LAMA2: variants seen among roughly 807,000 people sequenced by gnomAD.
LAMA2 encodes the protein laminin subunit alpha 2, also known as laminin subunit alpha-2.
In LAMA2, 269 loss-of-function variants were observed where a neutral mutation model predicts 364.8. The ratio of observed to expected loss-of-function variants is 0.74; its 90% CI spans 0.67 to 0.82. LAMA2 has a LOEUF of 0.82. LAMA2 is among the 40% of genes least tolerant of loss of function. The probability of loss-of-function intolerance (pLI) is 0.00; values close to 1 mark genes in which losing one functional copy is unlikely to be tolerated. For missense variants in LAMA2, 3,807 were observed against 3,873.2 expected, an observed-to-expected ratio of 0.98 and a Z score of 0.45; for synonymous variants, 1,379 against 1,370.6, an observed-to-expected ratio of 1.01 and a Z score of -0.14.
At chr6:129,317,621 A>C (rs962456515) in intron 27 of LAMA2, among the ~76,000 whole-genome samples, 2 of 152,264 alleles carry the variant, frequency 1.3e-5, no homozygotes, top group East Asian at 3.9e-4. Flanking sequence ...TACTTAAAAA[A>C]CGCTGTTATC....
At chr6:128,932,888 TAAAC>T in intron 1 of LAMA2, among the ~76,000 whole-genome samples, 1 of 152,300 alleles carries the variant, frequency 6.6e-6, no homozygotes, top group East Asian at 1.9e-4. Context: ...AAATTCCAAA[TAAAC>T]AGTACAATAT....
intron 10 of LAMA2, 51 bp from the exon 11 acceptor site, chr6:129,190,154 C>G: frequency 6.3e-7 from 1 of 1,583,922 alleles, no homozygotes. Context: ...ATGGACGCAG[C>G]TCATAATGTT....
intron 10 of LAMA2, 60 bp from the exon 11 acceptor site, chr6:129,190,145 T>G (rs1781443536): frequency 1.9e-6 from 3 of 1,540,124 alleles, no homozygotes; most frequent in South Asian, 2.2e-5. Flanking sequence ...TATACAGACA[T>G]GGACGCAGCT....
chr6:129,465,038 T>G, intron 50 of LAMA2, 107 bp from the exon 51 acceptor site: 1 of 874,870 alleles, frequency 1.1e-6, no homozygotes, highest in Non-Finnish European at 1.9e-6. Flanking sequence ...GAGTGACATA[T>G]TCAGCAATTT....
At chr6:129,446,452 G>A (rs930506753) in intron 45 of LAMA2, among the ~76,000 whole-genome samples, 1 of 145,126 alleles carries the variant, frequency 6.9e-6, no homozygotes, top group African/African-American at 2.6e-5. Flanking sequence ...ATGAGCCAGG[G>A]CAGAGTTGCT....
chr6:129,303,153 A>G (rs2114468037), intron 22 of LAMA2, among the ~76,000 whole-genome samples: 1 of 152,214 alleles, frequency 6.6e-6, no homozygotes, highest in South Asian at 2.1e-4. Flanking sequence ...GTAGTTTTTG[A>G]TGTGCAAGCT....
Position 129,288,037 on chromosome 6 carries a change from G to A in LAMA2, c.2728G>A (p.Val910Ile). 1.2e-6 allele frequency: 2 copies of A among 1,614,014 alleles called. No homozygotes were observed. The highest frequency in any genetic ancestry group is 1.7e-6 in the Non-Finnish European group (2 of 1,179,878). The change falls in exon 19 of 65, where the codon GTT becomes ATT. Residue 910 changes from valine (V) to isoleucine (I), a missense_variant. This residue lies in a region of LAMA2 where 3,333 missense variants were observed against 3,345.7 expected (regional missense o/e 1.00). Transcript: ENST00000421865. The part of the protein sequence containing the change: ...LCADGYFGDA[V>I]DAKNCQPCRC... ...TGCTGATGGATATTTTGGAGATGCA[G>A]TTGATGCGAAGAACTGTCAGCGTAA...
intron 12 of LAMA2, among the ~76,000 whole-genome samples, chr6:129,223,937 G>T (rs1784058982): frequency 6.6e-6 from 1 of 152,176 alleles, no homozygotes; most frequent in African/African-American, 2.4e-5. Flanking sequence ...ACCTTGGGCA[G>T]TATGGCCATT....
At chr6:129,022,066 T>TA (rs1785482682) in intron 1 of LAMA2, among the ~76,000 whole-genome samples, 1 of 152,194 alleles carries the variant, frequency 6.6e-6, no homozygotes, top group Admixed American at 6.6e-5. Flanking sequence ...ACCATGCTAG[T>TA]AAAAATCTCT....
At chr6:129,351,133 G>A (rs1049157782) in intron 31 of LAMA2, among the ~76,000 whole-genome samples, 7 of 152,010 alleles carry the variant, frequency 4.6e-5, no homozygotes, top group Admixed American at 2.6e-4. Context: ...AACACCAGTA[G>A]GATGGTGACT....
chr6:129,371,391 T>C (rs1778068042), intron 34 of LAMA2, among the ~76,000 whole-genome samples: 1 of 152,062 alleles, frequency 6.6e-6, no homozygotes. Context: ...TATTTAATAA[T>C]AGAATAATTT....
intron 4 of LAMA2, among the ~76,000 whole-genome samples, chr6:129,114,543 TG>T (rs1776349062): frequency 1.3e-5 from 2 of 152,140 alleles, no homozygotes; most frequent in South Asian, 4.1e-4. Flanking sequence ...CTTGTTTGTT[TG>T]TTTTGTTTTA....
At chr6:128,910,043 G>A (rs1777790463) in intron 1 of LAMA2, among the ~76,000 whole-genome samples, 3 of 151,834 alleles carry the variant, frequency 2.0e-5, no homozygotes, top group Admixed American at 6.6e-5. Context: ...AGGGTAACCC[G>A]TGCTTTCTCT....
intron 1 of LAMA2, among the ~76,000 whole-genome samples, chr6:128,967,901 C>A (rs376816452): frequency 1.3e-5 from 2 of 152,046 alleles, no homozygotes; most frequent in Non-Finnish European, 2.9e-5. Flanking sequence ...CAGTCTTAGC[C>A]GAAGATTCCC....
intron 56 of LAMA2, among the ~76,000 whole-genome samples, chr6:129,490,380 C>CCAT (rs937490247): frequency 6.6e-6 from 1 of 152,174 alleles, no homozygotes; most frequent in African/African-American, 2.4e-5. Flanking sequence ...CACTCATTCT[C>CCAT]CATCACCACC....
chr6:129,449,209 G>A (rs1426028992), intron 45 of LAMA2, among the ~76,000 whole-genome samples: 1 of 152,196 alleles, frequency 6.6e-6, no homozygotes, highest in Admixed American at 6.5e-5. Context: ...CTGGGCAATA[G>A]ATTACTGTCT....
chr6:128,958,549 A>T (rs1029219179), intron 1 of LAMA2, among the ~76,000 whole-genome samples: 1 of 152,062 alleles, frequency 6.6e-6, no homozygotes, highest in Admixed American at 6.6e-5. Context: ...TCTGATATTT[A>T]TATTTATTCT....
intron 1 of LAMA2, among the ~76,000 whole-genome samples, chr6:129,018,285 AGCAGTTTATGTAGTAACTTTAAGGT>A: frequency 6.6e-6 from 1 of 152,176 alleles, no homozygotes; most frequent in East Asian, 1.9e-4. Context: ...TGTTGCTTTA[AGCAGTTTATGTAGTAACTTTAAGGT>A]GGTAGAAAGT....
intron 57 of LAMA2, 36 bp from the exon 58 acceptor site, chr6:129,492,279 G>T: frequency 6.2e-7 from 1 of 1,605,384 alleles, no homozygotes; most frequent in South Asian, 1.1e-5. Context: ...GCAAAAAAAC[G>T]AAAATAAAAA....
Sources: allele counts gnomAD v4.1 joint callset (sites outside exome capture counted in the v4.1 genomes callset), GRCh38; gene constraint gnomAD v4.1.1; regional missense constraint gnomAD v4.1.1; transcripts MANE v1.5; gene names NCBI Gene and HGNC (gene_info 2026-07-23, HGNC 2026-07-21).